RPS6KB1: variants seen among roughly 807,000 people sequenced by gnomAD.
RPS6KB1 encodes the protein ribosomal protein S6 kinase B1.
RPS6KB1 carries 12 observed loss-of-function variants against 70.2 expected under a neutral mutation model. That is an observed-to-expected ratio of 0.17 (90% CI 0.11 to 0.28). The LOEUF (loss-of-function observed/expected upper bound fraction) is 0.28, where lower values mean the gene tolerates loss of function less well. Among genes scored for constraint, RPS6KB1 ranks in the 10% least tolerant of loss-of-function variants. The pLI is 1.00. For synonymous variants in RPS6KB1, 175 were observed against 211.2 expected (o/e 0.83, Z 1.49); for missense variants, 270 against 646.6 (o/e 0.42, Z 6.32).
chr17:59,940,235 T>C (rs2044493000), intron 12 of RPS6KB1, among the ~76,000 whole-genome samples: 1 of 151,710 alleles, frequency 6.6e-6, no homozygotes, highest in Non-Finnish European at 1.5e-5. Flanking sequence ...GAAATTGATA[T>C]TAACATTTTT....
At chr17:59,922,977 C>CCA (rs2043370633) in intron 4 of RPS6KB1, among the ~76,000 whole-genome samples, 1 of 151,052 alleles carries the variant, frequency 6.6e-6, no homozygotes, top group African/African-American at 2.4e-5. Flanking sequence ...AGCAATTCTC[C>CCA]TGCCTCAGCC....
chr17:59,909,501 C>T (rs986268375), intron 1 of RPS6KB1, among the ~76,000 whole-genome samples: 6 of 140,420 alleles, frequency 4.3e-5, no homozygotes, highest in Admixed American at 7.0e-5. Flanking sequence ...CTCCTGACCT[C>T]GTGATCTGCC....
At chr17:59,902,383 G>A (rs972442053) in intron 1 of RPS6KB1, among the ~76,000 whole-genome samples, 6 of 152,020 alleles carry the variant, frequency 3.9e-5, no homozygotes, top group African/African-American at 1.4e-4. Flanking sequence ...GGGATTACAG[G>A]CGTGAGCCAC....
chr17:59,946,797 T>C lies in RPS6KB1; in HGVS notation c.*9T>C. 2 of 1,612,646 alleles carry C rather than the reference T, an allele frequency of 1.2e-6. No individual in the cohort carries two copies. The highest frequency in any genetic ancestry group is 8.5e-7 in the Non-Finnish European group (1 of 1,178,708). ...TGCGTATGAATCTATGACAGAGCAA[T>C]GCTTTTAATGAATTTAAGGCAAAAA... is the stretch of plus-strand genomic sequence containing the variant. On this transcript the variant is annotated 3_prime_UTR_variant, in exon 15 of 15. Transcript: ENST00000225577. This position sits in a 1 kb window ranked among gnomAD's most constrained non-coding sequence, Gnocchi z 4.2.
intron 2 of RPS6KB1, chr17:59,912,420 T>G (rs1327678264): frequency 3.1e-6 from 1 of 324,418 alleles, no homozygotes; most frequent in African/African-American, 2.1e-5. Context: ...AAAACCATAG[T>G]ACCCCTTTAT....
chr17:59,923,566 A>G (rs1394626975), intron 4 of RPS6KB1, among the ~76,000 whole-genome samples: 1 of 152,052 alleles, frequency 6.6e-6, no homozygotes. Context: ...GCTGGAATGC[A>G]GTGGTGTGAT....
Position 59,947,710 on chromosome 17 carries a change from A to C in RPS6KB1, c.*922A>C, listed in dbSNP as rs2045010811. On this transcript the variant is annotated 3_prime_UTR_variant, in exon 15 of 15. Transcript: ENST00000225577. The stretch of plus-strand genomic sequence containing the variant: ...AAAAATCGCCACCTGTTCTTACACC[A>C]GTATTTGGTTCAAGACACCAAATGT... 3 of 704,128 alleles carry C rather than the reference A, an allele frequency of 4.3e-6. No individual in the cohort carries two copies. Among genetic ancestry groups the C allele is most frequent in the Non-Finnish European group, 7.7e-6 (3 of 387,236 alleles). The allele number at this position is 704,128 out of a possible 1,614,324, so 43.6% of individuals were successfully genotyped here. A position where few individuals can be genotyped will look rare whatever the true frequency, so the allele number is the denominator to read the frequency against.
rs1011446370 is a variant in RPS6KB1, at chr17:59,935,952, C to T, written c.979-263C>T. On this transcript the variant is annotated intron_variant, in intron 10 of 14. Coordinates refer to ENST00000225577, the MANE Select transcript of RPS6KB1 (RefSeq NM_003161.4). ...TCAGTCTCCCTAGTAGCTGGGATTA[C>T]AGGTGTTCACCACCACGCCAGGCTA... 3.3e-5 allele frequency among the ~76,000 whole-genome samples: 5 copies of T among 152,050 alleles called. No individual in the cohort carries two copies. In the South Asian group the frequency reaches 1.0e-3, roughly 32 times the overall value.
intron 1 of RPS6KB1, among the ~76,000 whole-genome samples, chr17:59,903,594 A>G (rs2144712723): frequency 6.6e-6 from 1 of 152,300 alleles, no homozygotes; most frequent in Admixed American, 6.5e-5. Context: ...GTCATGCAGT[A>G]GTAAGTCTAT....
At chr17:59,919,995 G>C (rs570521286) in intron 4 of RPS6KB1, among the ~76,000 whole-genome samples, 1 of 152,194 alleles carries the variant, frequency 6.6e-6, no homozygotes, top group Non-Finnish European at 1.5e-5. Flanking sequence ...TGTCTTTTCA[G>C]GTGTGGGATT....
At chr17:59,943,616 C>T (rs1568509761) in intron 13 of RPS6KB1, among the ~76,000 whole-genome samples, 1 of 151,944 alleles carries the variant, frequency 6.6e-6, no homozygotes. Flanking sequence ...CAGTGGCTCA[C>T]GCCTGTAATC....
chr17:59,901,360 A>G (rs1476947617), intron 1 of RPS6KB1, among the ~76,000 whole-genome samples: 1 of 151,342 alleles, frequency 6.6e-6, no homozygotes, highest in Non-Finnish European at 1.5e-5. Context: ...CGTGTTAGCC[A>G]GGATGGTCTC....
At chr17:59,938,699 T>TTGTGTGTGTGTGTGTGTGTG (rs58751297) in intron 12 of RPS6KB1, among the ~76,000 whole-genome samples, 4 of 138,084 alleles carry the variant, frequency 2.9e-5, no homozygotes, top group Non-Finnish European at 6.2e-5. Flanking sequence ...AATGTGTAGT[T>TTGTGTGTGTGTGTGTGTGTG]TGTGTGTGTG....
At chr17:59,905,992 T>C (rs1015202745) in intron 1 of RPS6KB1, among the ~76,000 whole-genome samples, 2 of 152,248 alleles carry the variant, frequency 1.3e-5, no homozygotes, top group East Asian at 1.9e-4. Flanking sequence ...TTTAGGTCTT[T>C]GCTCCATTTT....
At chr17:59,897,522 T>C (rs2041636475) in intron 1 of RPS6KB1, among the ~76,000 whole-genome samples, 1 of 152,140 alleles carries the variant, frequency 6.6e-6, no homozygotes, top group African/African-American at 2.4e-5. Context: ...TGATCCCGTT[T>C]AGAGAGATGT....
In RPS6KB1 at chr17:59,930,669, TC is replaced by T. The variant is rs2043879419; in HGVS notation, c.587+497del. 2.0e-5 allele frequency: 3 copies of T among 152,686 alleles called. No individual in the cohort carries two copies. In the South Asian group the frequency reaches 6.2e-4, roughly 31 times the overall value. The allele number at this position is 152,686 out of a possible 1,614,324, so 9.5% of individuals were successfully genotyped here. A position where few individuals can be genotyped will look rare whatever the true frequency, so the allele number is the denominator to read the frequency against. ...CTGCTTCAAATTAAAAATATGCACA[TC>T]CTTTTGTGAAGCAACAATATTGGGT... On this transcript the variant is annotated intron_variant, in intron 6 of 14. Transcript: ENST00000225577.
chr17:59,942,727 A>G (rs1056163113), intron 13 of RPS6KB1, among the ~76,000 whole-genome samples: 1 of 152,130 alleles, frequency 6.6e-6, no homozygotes, highest in Non-Finnish European at 1.5e-5. Context: ...TAAAGTTAGC[A>G]TGGAGTTGGG....
chr17:59,918,877 G>A (rs912654856), intron 4 of RPS6KB1, among the ~76,000 whole-genome samples: 2 of 144,428 alleles, frequency 1.4e-5, no homozygotes, highest in African/African-American at 5.2e-5. Flanking sequence ...TGTCGTCTAG[G>A]CTGGAGTGCA....
chr17:59,904,175 G>GGTTCAA (rs879725603), intron 1 of RPS6KB1, among the ~76,000 whole-genome samples: 1 of 151,798 alleles, frequency 6.6e-6, no homozygotes, highest in Non-Finnish European at 1.5e-5. Context: ...CCACCTCCCA[G>GGTTCAA]GTTCAAGTGA....
Sources: allele counts gnomAD v4.1 joint callset (sites outside exome capture counted in the v4.1 genomes callset), GRCh38; gene constraint gnomAD v4.1.1; non-coding constraint Gnocchi (gnomAD v3.1); transcripts MANE v1.5; gene names NCBI Gene and HGNC (gene_info 2026-07-23, HGNC 2026-07-21).